Variants in AGBL1 observed in about 807,000 individuals in gnomAD.
AGBL1 encodes AGBL carboxypeptidase 1.
In AGBL1, 130 loss-of-function variants were observed where a neutral mutation model predicts 118.9. The ratio of observed to expected loss-of-function variants is 1.09; its 90% CI spans 0.95 to 1.26. The LOEUF (loss-of-function observed/expected upper bound fraction) is 1.26. Ranked by LOEUF, AGBL1 falls within the 50% of genes most tolerant of loss-of-function variation. AGBL1 has a pLI of 0.00. For missense variants in AGBL1, 1,584 were observed against 1,298.1 expected (o/e 1.22, Z -3.38); for synonymous variants, 555 against 478.9 (o/e 1.16, Z -2.08).
chr15:86,365,636 T>C (rs2080875142), intron 17 of AGBL1, among the ~76,000 whole-genome samples: 2 of 152,154 alleles, frequency 1.3e-5, no homozygotes, highest in African/African-American at 2.4e-5. Flanking sequence ...AAATTATTCA[T>C]ATTTCTTATT....
Position 86,279,698 on chromosome 15 carries a change from C to A in AGBL1, c.2135C>A (p.Thr712Asn), listed in dbSNP as rs1315956891. ...GGAGCATCTGGGAAGTGCTACTATA[C>A]CCTCACCTTTGCTGTCACCTTCCCA... ...AGGASGKCYY[T>N]LTFAVTFPHS... The change falls in exon 16 of 23, where the codon ACC becomes AAC. Residue 712 changes from threonine (T) to asparagine (N), a missense_variant. By Grantham distance (65) the Thr-to-Asn change is moderately conservative. Transcript: ENST00000614907. 1 of 1,613,336 alleles carries A rather than the reference C, an allele frequency of 6.2e-7. No individual in the cohort carries two copies. The highest frequency in any genetic ancestry group is 1.7e-5 in the Admixed American group (1 of 59,994).
chr15:86,218,633 T>A (rs1439454455), intron 5 of AGBL1, among the ~76,000 whole-genome samples: 1 of 152,218 alleles, frequency 6.6e-6, no homozygotes, highest in Admixed American at 6.5e-5. Context: ...GCATATGTAC[T>A]CTCTATAGAA....
chr15:86,462,231 AG>A (rs2082343235), intron 18 of AGBL1, among the ~76,000 whole-genome samples: 1 of 152,116 alleles, frequency 6.6e-6, no homozygotes, highest in Non-Finnish European at 1.5e-5. Flanking sequence ...GGATTAATTG[AG>A]ATAACCATGT....
intron 23 of AGBL1, among the ~76,000 whole-genome samples, chr15:86,954,514 C>G (rs900145140): frequency 6.6e-6 from 1 of 152,162 alleles, no homozygotes; most frequent in Admixed American, 6.5e-5. Flanking sequence ...ATAGATGCAA[C>G]TGGATGCCAT....
chr15:86,707,954 C>T (rs980642323), intron 22 of AGBL1, among the ~76,000 whole-genome samples: 48 of 152,100 alleles, frequency 3.2e-4, no homozygotes, highest in African/African-American at 1.1e-3. Context: ...GGAGGTCCAA[C>T]ACAGACCACA....
At chr15:86,509,985 G>C (rs989073306) in intron 18 of AGBL1, among the ~76,000 whole-genome samples, 4 of 144,928 alleles carry the variant, frequency 2.8e-5, no homozygotes, top group African/African-American at 1.0e-4. Flanking sequence ...GTGGCACTGA[G>C]TGCTATCCAT....
rs574882304 is a variant in AGBL1, at chr15:86,561,397, C to T, written c.2994+6860C>T. ...GTCTGGCTAGCCAGTTTTCCCAGCA[C>T]CATTTATTAAATAGGGAATCTTTTC... On this transcript the variant is annotated intron_variant, in intron 21 of 22. Transcript: ENST00000614907. 3.3e-5 allele frequency among the ~76,000 whole-genome samples: 5 copies of T among 152,312 alleles called. No homozygotes were observed. The South Asian group carries it at 6.2e-4, about 19-fold the overall frequency.
chr15:86,848,176 C>G (rs890523903), intron 22 of AGBL1, among the ~76,000 whole-genome samples: 2 of 152,176 alleles, frequency 1.3e-5, no homozygotes, highest in Non-Finnish European at 2.9e-5. Flanking sequence ...GCAAGAATGC[C>G]AGACTTCCCA....
chr15:86,343,846 C>T (rs1175317753), intron 17 of AGBL1, among the ~76,000 whole-genome samples: 1 of 152,180 alleles, frequency 6.6e-6, no homozygotes, highest in Non-Finnish European at 1.5e-5. Flanking sequence ...TTTTAATCAC[C>T]TGTATGAACG....
chr15:86,684,394 T>A (rs187271511), intron 22 of AGBL1, among the ~76,000 whole-genome samples: 3 of 152,160 alleles, frequency 2.0e-5, no homozygotes, highest in Non-Finnish European at 4.4e-5. Flanking sequence ...AAATAGTCTA[T>A]CATGGCTTTT....
chr15:86,417,314 C>T lies in AGBL1; in HGVS notation c.2555+19768C>T, dbSNP rs145742525. Among the ~76,000 whole-genome samples, 1,289 of 152,292 alleles carry T rather than the reference C, an allele frequency of 8.5e-3. 9 individuals carry two copies. The highest frequency in any genetic ancestry group is 0.013 in the Non-Finnish European group (881 of 68,028). On this transcript the variant is annotated intron_variant, in intron 18 of 22. Coordinates refer to ENST00000614907, the MANE Select transcript of AGBL1 (RefSeq NM_001386094.1). ...CTTTCACACAACTGAAGACTACCCT[C>T]ATATCACCTCTATATGTTTTCCTTT...
intron 18 of AGBL1, among the ~76,000 whole-genome samples, chr15:86,449,779 G>A (rs2142067442): frequency 6.6e-6 from 1 of 152,264 alleles, no homozygotes; most frequent in Middle Eastern, 3.4e-3. Context: ...GCAGATTCTG[G>A]GTTGTTGCAT....
At chr15:86,700,511 A>AC (rs766574039) in intron 22 of AGBL1, among the ~76,000 whole-genome samples, 567 of 40,206 alleles carry the variant, frequency 0.014, 5 homozygotes, top group East Asian at 0.044. Context: ...ACACACACAC[A>AC]AAATCTCTCT....
intron 23 of AGBL1, among the ~76,000 whole-genome samples, chr15:86,923,208 T>G (rs1309770898): frequency 6.6e-6 from 1 of 152,192 alleles, no homozygotes; most frequent in African/African-American, 2.4e-5. Flanking sequence ...GGTAAACAGA[T>G]CTGTTGAATT....
intron 19 of AGBL1, among the ~76,000 whole-genome samples, chr15:86,545,555 T>G (rs1328701974): frequency 6.6e-6 from 1 of 152,048 alleles, no homozygotes; most frequent in Non-Finnish European, 1.5e-5. Flanking sequence ...CTTCTCCCAC[T>G]CTCCACACTC....
chr15:86,748,643 G>A (rs1296348535), intron 22 of AGBL1, among the ~76,000 whole-genome samples: 8 of 145,630 alleles, frequency 5.5e-5, no homozygotes, highest in Non-Finnish European at 3.0e-5. Flanking sequence ...TATGGTTTTA[G>A]GTCTAACATT....
chr15:86,625,376 T>TTG (rs1567089285), intron 21 of AGBL1, among the ~76,000 whole-genome samples: 3 of 51,788 alleles, frequency 5.8e-5, no homozygotes, highest in African/African-American at 3.2e-4. Context: ...TTTTTTTTTT[T>TTG]TTGTTTTTGT....
intron 21 of AGBL1, among the ~76,000 whole-genome samples, chr15:86,583,202 G>C (rs1567070044): frequency 6.6e-6 from 1 of 151,892 alleles, no homozygotes; most frequent in African/African-American, 2.4e-5. Flanking sequence ...ACATGTGCAG[G>C]ATTGTTACTT....
chr15:86,281,194 G>A (rs1038634046), intron 16 of AGBL1, among the ~76,000 whole-genome samples: 4 of 152,098 alleles, frequency 2.6e-5, no homozygotes, highest in Non-Finnish European at 5.9e-5. Flanking sequence ...ACCAGCCTGG[G>A]CAGCATGGTG....
Sources: gnomAD v4.1 joint callset for allele counts (sites outside exome capture counted in the v4.1 genomes callset) on GRCh38, gnomAD v4.1.1 for gene constraint, MANE v1.5 for transcripts, NCBI Gene and HGNC (gene_info 2026-07-23, HGNC 2026-07-21) for gene names.